The following GPR179 variants were observed in gnomAD, a reference collection of about 807,000 sequenced individuals.
GPR179 encodes G protein-coupled receptor 179.
A neutral mutation model predicts 70.8 loss-of-function variants in GPR179; 52 were observed. That is an observed-to-expected ratio of 0.73 (90% CI 0.59 to 0.93). GPR179 has a LOEUF of 0.93. Ranked by LOEUF, GPR179 falls within the 40% of genes least tolerant of loss-of-function variation. The probability of loss-of-function intolerance (pLI) is 0.00; values close to 1 mark genes in which losing one functional copy is unlikely to be tolerated. For missense variants in GPR179, 2,734 were observed against 2,966.8 expected, an observed-to-expected ratio of 0.92 and a Z score of 1.82; for synonymous variants, 1,123 against 1,169.0, an observed-to-expected ratio of 0.96 and a Z score of 0.80.
intron 4 of GPR179, 136 bp downstream of exon 4, chr17:38,336,842 G>T: frequency 1.1e-6 from 1 of 890,742 alleles, no homozygotes; most frequent in Non-Finnish European, 1.7e-6. Context: ...GAAATCACTT[G>T]CATCATGCTA....
In GPR179 at chr17:38,326,420, G is replaced by A; in HGVS notation, c.*45C>T. The A allele has an allele frequency of 7.0e-7, 1 of 1,431,262 alleles. No homozygotes were observed. Among genetic ancestry groups the A allele is most frequent in the Non-Finnish European group, 9.6e-7 (1 of 1,046,202 alleles). 88.7% of individuals were successfully genotyped at this position (1,431,262 alleles called of 1,614,324 possible). On this transcript the variant is annotated 3_prime_UTR_variant, in exon 11 of 11. Transcript: ENST00000616987. ...ACACCTGGACTTGGAAAGGGCCTTGGCTCCTGAAAGCTAGCTCTGTGTTTG... is the reference window on the plus strand; with the variant it reads ...ACACCTGGACTTGGAAAGGGCCTTGACTCCTGAAAGCTAGCTCTGTGTTTG...
Position 38,343,739 on chromosome 17 carries a change from G to C in GPR179, c.51C>G (p.Gly17=). ...VMPPPMWGLL[G]CCFVCAWALG... ...GAGCCCAGGCACAGACAAAACAGCA[G>C]CCCAGCAGCCCCCACATAGGAGGGG... Residue 17 remains glycine, a synonymous_variant, in exon 1 of 11, where the codon GGC becomes GGG. Coordinates refer to ENST00000616987, the MANE Select transcript of GPR179 (RefSeq NM_001004334.4). This position sits in a 1 kb window ranked among gnomAD's most constrained non-coding sequence, Gnocchi z 4.2. The C allele has an allele frequency of 6.5e-7, 1 of 1,547,934 alleles. No homozygotes were observed. Among genetic ancestry groups the C allele is most frequent in the Non-Finnish European group, 8.7e-7 (1 of 1,146,860 alleles).
rs1567728777 is a variant in GPR179 at position 38,343,546 on chromosome 17, C to T, written c.244G>A (p.Ala82Thr). 1 of 1,613,776 alleles carries T rather than the reference C, an allele frequency of 6.2e-7. No individual in the cohort carries two copies. ...SQVNCSERYE[A>T]RGAGAMPGLP... ...CCTGGCATGGCTCCTGCCCCACGCGCTTCATAGCGCTCACTGCAATTCACC... is the reference window on the plus strand; with the variant it reads ...CCTGGCATGGCTCCTGCCCCACGCGTTTCATAGCGCTCACTGCAATTCACC... Residue 82 changes from alanine to threonine, a missense_variant, in exon 1 of 11, where the codon GCG (alanine) becomes ACG (threonine). Coordinates refer to ENST00000616987, the MANE Select transcript of GPR179 (RefSeq NM_001004334.4). The surrounding 1 kb of genome is among the most constrained non-coding windows in gnomAD (Gnocchi z 4.2).
At position 38,336,886 on chromosome 17, in the gene GPR179, C is replaced by T. The variant is rs1349285966; in HGVS notation, c.1227+92G>A. 3.8e-6 allele frequency: 5 copies of T among 1,315,778 alleles called. No individual in the cohort carries two copies. In the African/African-American group the frequency reaches 7.4e-5, roughly 19 times the overall value. The allele number at this position is 1,315,778 out of a possible 1,614,324, so 81.5% of individuals were successfully genotyped here. ...GTTAGATTTAGAATCAAGATTAGAA[C>T]CAATTTCTCCTAAATTCTGGTCTTA... On this transcript the variant is annotated intron_variant, in intron 4 of 10. Transcript: ENST00000616987.
At position 38,330,929 on chromosome 17, in the gene GPR179, G is replaced by GGCCA. The variant is rs1458364571; in HGVS notation, c.2636_2639dup (p.Ser881GlyfsTer43). 13 of 1,609,208 alleles carry GGCCA rather than the reference G, an allele frequency of 8.1e-6. No individual in the cohort carries two copies. Among genetic ancestry groups the GGCCA allele is most frequent in the Non-Finnish European group, 1.1e-5 (13 of 1,178,304 alleles). On this transcript the variant is annotated frameshift_variant, in exon 11 of 11. Transcript: ENST00000616987. LOFTEE classifies it low-confidence loss of function (END_TRUNC). Reference sequence around the variant, plus strand: ...TGGCTGATGGCCTCCGCACCAGGCTGGCCATGGCTGCCTTGGCCTTCTTCC... The same window carrying GGCCA: ...TGGCTGATGGCCTCCGCACCAGGCTGGCCAGCCATGGCTGCCTTGGCCTTCTTCC...
In GPR179 at chr17:38,328,528, C is replaced by T; in HGVS notation, c.5041G>A (p.Val1681Met). Residue 1681 changes from valine (V) to methionine (M), a missense_variant, in exon 11 of 11, where the codon GTG becomes ATG. Val to Met is a conservative substitution (Grantham distance 21, BLOSUM62 1). Transcript: ENST00000616987. ...CAAATGTCGGCAGCTTTGCTTCCCA[C>T]ACTGCCTGACATCTGGAGAAGGGTT... ...PQTLLQMSGS[V>M]GSKAADICPL... The T allele has an allele frequency of 6.2e-7, 1 of 1,613,982 alleles. No individual in the cohort carries two copies.
At chr17:38,340,755 T>C (rs1459315199) in intron 1 of GPR179, among the ~76,000 whole-genome samples, 32 of 152,006 alleles carry the variant, frequency 2.1e-4, no homozygotes, top group Admixed American at 2.1e-3. Context: ...TTGTCTCTAC[T>C]AAAAATACAA....
rs1305464516 is a variant in GPR179 at position 38,326,946 on chromosome 17, G to T, written c.6623C>A (p.Pro2208His). The T allele has an allele frequency of 2.5e-6, 4 of 1,613,940 alleles. No individual in the cohort carries two copies. The highest frequency in any genetic ancestry group is 3.4e-6 in the Non-Finnish European group (4 of 1,180,020). The change falls in exon 11 of 11, where the codon CCC becomes CAC. Residue 2208 changes from proline (P) to histidine (H), a missense_variant. Coordinates refer to ENST00000616987, the MANE Select transcript of GPR179 (RefSeq NM_001004334.4). Reference sequence around the variant, plus strand: ...GCTTCCCATGCTGCCTGCTTCCTTGGGGCTGACTTTGAGTTCTGGGTCCAG... The same window carrying T: ...GCTTCCCATGCTGCCTGCTTCCTTGTGGCTGACTTTGAGTTCTGGGTCCAG... ...GALDPELKVS[P>H]KEAGSMGSRM... is the part of the protein sequence containing the mutation.
In GPR179 at chr17:38,330,778, G is replaced by A. The variant is rs757348161; in HGVS notation, c.2791C>T (p.Pro931Ser). The change falls in exon 11 of 11, where the codon CCA becomes TCA. Residue 931 changes from proline to serine, a missense_variant. Physicochemically the swap from Pro to Ser is moderately conservative, Grantham distance 74. Coordinates refer to ENST00000616987, the MANE Select transcript of GPR179 (RefSeq NM_001004334.4). ...GTAGAAACCTGGTGCCTGATGGGTG[G>A]ATGAGGCAGCCTTCTCCTAGCCTCC... Reference protein sequence around the residue: ...HEEARRRLPHPPIRHQVSTPI... With the variant: ...HEEARRRLPHSPIRHQVSTPI... The A allele has an allele frequency of 3.8e-6, 6 of 1,594,388 alleles. No individual in the cohort carries two copies. In the South Asian group the frequency reaches 4.5e-5, roughly 12 times the overall value.
Position 38,343,044 on chromosome 17 carries a change from A to T in GPR179, c.746T>A (p.Leu249His). The T allele has an allele frequency of 1.2e-6, 2 of 1,613,594 alleles. No individual in the cohort carries two copies. Among genetic ancestry groups the T allele is most frequent in the Non-Finnish European group, 1.7e-6 (2 of 1,179,688 alleles). ...GRLRPGWLIT[L>H]SATFYGLKPD... ...CTTGAGTCCATAGAAGGTGGCAGAG[A>T]GTGTGATCAGCCATCCAGGTCGGAG... Residue 249 changes from leucine (L) to histidine (H), a missense_variant, in exon 1 of 11, where the codon CTC (leucine) becomes CAC (histidine). Coordinates refer to ENST00000616987, the MANE Select transcript of GPR179 (RefSeq NM_001004334.4). The surrounding 1 kb of genome is among the most constrained non-coding windows in gnomAD (Gnocchi z 4.2).
In GPR179 at chr17:38,328,907, T is replaced by A. The variant is rs776135013; in HGVS notation, c.4662A>T (p.Ser1554=). Residue 1554 remains serine, a synonymous_variant, in exon 11 of 11, where the codon TCA becomes TCT. Transcript: ENST00000616987. ...ATAGGAATTGGCTACCAGCTTTGGA[T>A]GAGGAATTGTCTAGACATGGGCTGG... ...GHSSPCLDNS[S]SKAGSQFLCN... 1 of 1,614,076 alleles carries A rather than the reference T, an allele frequency of 6.2e-7. No homozygotes were observed. The highest frequency in any genetic ancestry group is 8.5e-7 in the Non-Finnish European group (1 of 1,179,990).
Position 38,329,927 on chromosome 17 carries a change from T to C in GPR179, c.3642A>G (p.Gln1214=). 1 of 1,614,214 alleles carries C rather than the reference T, an allele frequency of 6.2e-7. No individual in the cohort carries two copies. Among genetic ancestry groups the C allele is most frequent in the Non-Finnish European group, 8.5e-7 (1 of 1,180,026 alleles). Residue 1214 remains glutamine (Q), a synonymous_variant, in exon 11 of 11, where the codon CAA becomes CAG. Coordinates refer to ENST00000616987, the MANE Select transcript of GPR179 (RefSeq NM_001004334.4). ...RQVSRDKNIK[Q]SKETPVGWQE... ...GCCACCCGACAGGGGTTTCTTTTGATTGCTTGATGTTTTTGTCCCTGGAAA... is the reference window on the plus strand; with the variant it reads ...GCCACCCGACAGGGGTTTCTTTTGACTGCTTGATGTTTTTGTCCCTGGAAA...
At position 38,327,564 on chromosome 17, in the gene GPR179, A is replaced by G; in HGVS notation, c.6005T>C (p.Val2002Ala). ...GRAADVCPWD[V>A]PDAGVYKSDS... Reference sequence around the variant, plus strand: ...AGATTTATACACACCTGCATCAGGAACATCCCATGGGCACACGTCAGCGGC... The same window carrying G: ...AGATTTATACACACCTGCATCAGGAGCATCCCATGGGCACACGTCAGCGGC... Residue 2002 changes from valine to alanine, a missense_variant, in exon 11 of 11, where the codon GTT (valine) becomes GCT (alanine). Transcript: ENST00000616987. 1.9e-6 allele frequency: 3 copies of G among 1,614,138 alleles called. No individual in the cohort carries two copies. The highest frequency in any genetic ancestry group is 1.3e-5 in the African/African-American group (1 of 75,024).
At position 38,334,672 on chromosome 17, in the gene GPR179, AAGGGGGTGTGGGG is replaced by A; in HGVS notation, c.1784+19_1784+31del. ...GAGGTGAGGAGTACTGTTAGAGTGG[AAGGGGGTGTGGGG>A]AGGTGAGTCCGTCCTCACCTGGCTG... is the stretch of plus-strand genomic sequence containing the variant. On this transcript the variant is annotated intron_variant, in intron 8 of 10. Coordinates refer to ENST00000616987, the MANE Select transcript of GPR179 (RefSeq NM_001004334.4). The surrounding 1 kb of genome is among the most constrained non-coding windows in gnomAD (Gnocchi z 4.7). 6.2e-7 allele frequency: 1 copy of A among 1,605,986 alleles called. No homozygotes were observed. The highest frequency in any genetic ancestry group is 8.5e-7 in the Non-Finnish European group (1 of 1,175,226).
Position 38,324,823 on chromosome 17 carries a change from T to A in GPR179, c.*1642A>T, listed in dbSNP as rs763118030. 6.6e-6 allele frequency among the ~76,000 whole-genome samples: 1 copy of A among 152,242 alleles called. No homozygotes were observed. The highest frequency in any genetic ancestry group is 1.5e-5 in the Non-Finnish European group (1 of 68,038). ...CCCTAGGTAAGAGAATGAGGACATC[T>A]GGTCCCCAAAGGAGAGTAGGTTACT... On this transcript the variant is annotated 3_prime_UTR_variant, in exon 11 of 11. Transcript: ENST00000616987.
At position 38,334,820 on chromosome 17, in the gene GPR179, C is replaced by G. The variant is rs761690430; in HGVS notation, c.1668G>C (p.Trp556Cys). 3 of 1,612,798 alleles carry G rather than the reference C, an allele frequency of 1.9e-6. No homozygotes were observed. The highest frequency in any genetic ancestry group is 2.5e-6 in the Non-Finnish European group (3 of 1,179,938). ...MVVAELLLLC[W>C]GSFLCYATRA... Reference sequence around the variant, plus strand: ...GTGTGGCGTAGCAGAGGAAGCTGCCCCAGCACAGCAGCAGCAGCTCAGCTG... The same window carrying G: ...GTGTGGCGTAGCAGAGGAAGCTGCCGCAGCACAGCAGCAGCAGCTCAGCTG... Residue 556 changes from tryptophan (W) to cysteine (C), a missense_variant, in exon 8 of 11, where the codon TGG becomes TGC. Trp to Cys is a radical substitution (Grantham distance 215). Transcript: ENST00000616987. The surrounding 1 kb of genome is among the most constrained non-coding windows in gnomAD (Gnocchi z 4.7).
rs2037330838 is a variant in GPR179, at chr17:38,329,625, C to T, written c.3944G>A (p.Arg1315Lys). ...CCAGGGACACACTGCTTCCTGCTCC[C>T]TCACCAGCCTCTCTGGCTTTTTCCG... The part of the protein sequence containing the change: ...MMRKKPERLV[R>K]EQEAVCPWES... The change falls in exon 11 of 11, where the codon AGG becomes AAG. Residue 1315 changes from arginine (R) to lysine (K), a missense_variant. Transcript: ENST00000616987. 1 of 1,614,144 alleles carries T rather than the reference C, an allele frequency of 6.2e-7. No individual in the cohort carries two copies. The highest frequency in any genetic ancestry group is 1.1e-5 in the South Asian group (1 of 91,086).
chr17:38,343,648 G>T lies in GPR179; in HGVS notation c.142C>A (p.Pro48Thr), dbSNP rs2037471979. ...LSSQVKPGSV[P>T]MQVPLEGAEA... is the part of the protein sequence containing the mutation. ...GCCCCCTCTAGGGGCACCTGCATGG[G>T]TACAGATCCTGGCTTGACTTGGGAA... Residue 48 changes from proline (P) to threonine (T), a missense_variant, in exon 1 of 11, where the codon CCC becomes ACC. Transcript: ENST00000616987. This position sits in a 1 kb window ranked among gnomAD's most constrained non-coding sequence, Gnocchi z 4.2. 2.5e-6 allele frequency: 4 copies of T among 1,613,264 alleles called. No homozygotes were observed. Among genetic ancestry groups the T allele is most frequent in the Non-Finnish European group, 3.4e-6 (4 of 1,179,618 alleles).
chr17:38,336,538 C>G (rs954463876), intron 4 of GPR179, among the ~76,000 whole-genome samples: 1 of 152,198 alleles, frequency 6.6e-6, no homozygotes, highest in African/African-American at 2.4e-5. Context: ...AGTTAACCTT[C>G]AAGCCTGGCT....
Sources: gnomAD v4.1 joint callset for allele counts (sites outside exome capture counted in the v4.1 genomes callset) on GRCh38, gnomAD v4.1.1 for gene constraint, Gnocchi (gnomAD v3.1) non-coding constraint, MANE v1.5 for transcripts, NCBI Gene and HGNC (gene_info 2026-07-23, HGNC 2026-07-21) for gene names.